GRAMD2B: variants seen among roughly 807,000 people sequenced by gnomAD.
GRAMD2B encodes the protein GRAM domain containing 2B.
Under a neutral mutation model 59.2 loss-of-function variants are expected in GRAMD2B, and 41 were observed. That is an observed-to-expected ratio of 0.69 (90% CI 0.54 to 0.90). The LOEUF is 0.90. GRAMD2B is among the 40% of genes least tolerant of loss of function. GRAMD2B has a pLI of 0.00. For synonymous variants in GRAMD2B, 161 were observed against 182.7 expected (o/e 0.88, Z 0.96); for missense variants, 424 against 500.5 (o/e 0.85, Z 1.46).
At chr5:126,380,055 C>T (rs914473790) in intron 1 of GRAMD2B, among the ~76,000 whole-genome samples, 2 of 151,914 alleles carry the variant, frequency 1.3e-5, no homozygotes, top group Non-Finnish European at 2.9e-5. Flanking sequence ...TAGAGTAAAG[C>T]CTTTGTTCCA....
At chr5:126,480,278 T>C in intron 6 of GRAMD2B, 178 bp from the exon 7 acceptor site, 1 of 563,238 alleles carries the variant, frequency 1.8e-6, no homozygotes, top group Non-Finnish European at 3.1e-6. Flanking sequence ...AATGTTTGCT[T>C]TATTACAGGA....
chr5:126,449,984 T>A (rs917210734), intron 1 of GRAMD2B, among the ~76,000 whole-genome samples: 3 of 152,124 alleles, frequency 2.0e-5, no homozygotes, highest in African/African-American at 7.2e-5. Flanking sequence ...TATTTTGGAC[T>A]CCCGTAGTAA....
chr5:126,360,986 C>T (rs1454796164), intron 1 of GRAMD2B, among the ~76,000 whole-genome samples: 1 of 152,126 alleles, frequency 6.6e-6, no homozygotes, highest in African/African-American at 2.4e-5. Context: ...TTTATGAGCT[C>T]CTTGTAAGCA....
At chr5:126,365,427 A>T (rs1240281115) in intron 1 of GRAMD2B, among the ~76,000 whole-genome samples, 2 of 152,254 alleles carry the variant, frequency 1.3e-5, no homozygotes, top group African/African-American at 4.8e-5. Context: ...AATAACCACT[A>T]TGCAATTTGA....
At chr5:126,378,871 C>T (rs2149701180) in intron 1 of GRAMD2B, among the ~76,000 whole-genome samples, 1 of 152,218 alleles carries the variant, frequency 6.6e-6, no homozygotes, top group East Asian at 1.9e-4. Context: ...TTAAAAAATA[C>T]ACACTATTCA....
intron 1 of GRAMD2B, among the ~76,000 whole-genome samples, chr5:126,394,785 G>T (rs1334947013): frequency 6.6e-6 from 1 of 152,174 alleles, no homozygotes; most frequent in Non-Finnish European, 1.5e-5. Context: ...GAAATGTTTT[G>T]TAATCTCAAG....
chr5:126,411,478 C>A (rs1223774990), intron 1 of GRAMD2B, among the ~76,000 whole-genome samples: 2 of 152,012 alleles, frequency 1.3e-5, no homozygotes, highest in African/African-American at 2.4e-5. Flanking sequence ...GTTTCTGTAC[C>A]AGTACCATGC....
Position 126,360,446 on chromosome 5 carries a change from CCGGACCTGGAACTGTAAGTGACAGGTCT to C in GRAMD2B, c.117_128+16del, listed in dbSNP as rs1435291509. 5.2e-6 allele frequency: 8 copies of C among 1,551,084 alleles called. No individual in the cohort carries two copies. The Admixed American group carries it at 7.8e-5, about 15-fold the overall frequency. On this transcript the variant is annotated splice_donor_variant and splice_donor_5th_base_variant and coding_sequence_variant and intron_variant, in exon 1 of 14. Coordinates refer to the GRAMD2B transcript ENST00000513040. LOFTEE classifies it high-confidence loss of function. ...CGGGAGAGAAGTGAAGCCAGTGGGT[CCGGACCTGGAACTGTAAGTGACAGGTCT>C]CAGACCTGGAAAAACCATTTGGGAG...
At chr5:126,481,203 A>AAAAGAAAGAAAGAAAGAAAGAAAG (rs199869481) in intron 8 of GRAMD2B, among the ~76,000 whole-genome samples, 8 of 80,112 alleles carry the variant, frequency 1.0e-4, no homozygotes, top group African/African-American at 4.9e-4. Flanking sequence ...AAAAAAAAAA[A>AAAAGAAAGAAAGAAAGAAAGAAAG]AAAGAAAGAA....
chr5:126,462,439 C>T (rs965487841), intron 1 of GRAMD2B: 20 of 985,202 alleles, frequency 2.0e-5, no homozygotes, highest in African/African-American at 8.7e-5. Flanking sequence ...ACAAGACCTC[C>T]AAGGTAAGGG....
upstream of GRAMD2B, chr5:126,423,317 C>G: frequency 7.9e-7 from 1 of 1,268,300 alleles, no homozygotes; most frequent in Non-Finnish European, 9.9e-7. Context: ...TCCTTTTTCT[C>G]TTCTCTGCCT....
chr5:126,418,366 GT>G (rs555916802), intron 1 of GRAMD2B, among the ~76,000 whole-genome samples: 2 of 152,214 alleles, frequency 1.3e-5, no homozygotes, highest in South Asian at 4.2e-4. Flanking sequence ...AACTGGAAGA[GT>G]TTTTTTTACT....
intron 1 of GRAMD2B, among the ~76,000 whole-genome samples, chr5:126,410,924 G>C (rs879542285): frequency 8.6e-5 from 13 of 151,830 alleles, no homozygotes; most frequent in Non-Finnish European, 5.9e-5. Flanking sequence ...AGAAGTATCT[G>C]GTCATGTCTT....
intron 1 of GRAMD2B, among the ~76,000 whole-genome samples, chr5:126,453,124 C>G (rs1284663917): frequency 6.6e-6 from 1 of 152,122 alleles, no homozygotes; most frequent in Non-Finnish European, 1.5e-5. Flanking sequence ...CACCTGAGGT[C>G]AGGAGTTCAA....
At chr5:126,418,872 T>A (rs1407746982), upstream of GRAMD2B, among the ~76,000 whole-genome samples, 3 of 152,234 alleles carry the variant, frequency 2.0e-5, no homozygotes, top group Non-Finnish European at 4.4e-5. Flanking sequence ...CTGGCTTTAA[T>A]TGAAAACAGG....
At chr5:126,403,573 A>G (rs1758008029) in intron 1 of GRAMD2B, among the ~76,000 whole-genome samples, 1 of 151,962 alleles carries the variant, frequency 6.6e-6, no homozygotes, top group African/African-American at 2.4e-5. Context: ...ATCCTTTACA[A>G]AGTTTAGGCT....
chr5:126,398,440 C>T (rs571903379), intron 1 of GRAMD2B, among the ~76,000 whole-genome samples: 1 of 152,092 alleles, frequency 6.6e-6, no homozygotes, highest in African/African-American at 2.4e-5. Flanking sequence ...TTTATGGTCC[C>T]TATTATTTCT....
chr5:126,484,740 T>C (rs767589153), intron 10 of GRAMD2B, among the ~76,000 whole-genome samples: 1 of 152,014 alleles, frequency 6.6e-6, no homozygotes, highest in Non-Finnish European at 1.5e-5. Context: ...CATGCCACAA[T>C]GCCTAGCTAA....
Position 126,477,785 on chromosome 5 carries a change from A to C in GRAMD2B, c.580A>C (p.Arg194=). The C allele has an allele frequency of 6.3e-7, 1 of 1,597,454 alleles. No individual in the cohort carries two copies. The highest frequency in any genetic ancestry group is 8.6e-7 in the Non-Finnish European group (1 of 1,164,898). The change falls in exon 6 of 14, where the codon AGG becomes CGG. Residue 194 remains arginine, a splice_region_variant and synonymous_variant. Coordinates refer to ENST00000285689, the MANE Select transcript of GRAMD2B (RefSeq NM_023927.4). ...CCTGATCATAGCAACAGTCACAGAC[A>C]GGGTGAGTATGCAGCCGAGCGAGGG... ...NALIIATVTD[R]YIFVSLLSRD... is the part of the protein sequence containing the mutation.
Sources: allele counts gnomAD v4.1 joint callset (sites outside exome capture counted in the v4.1 genomes callset), GRCh38; gene constraint gnomAD v4.1.1; transcripts MANE v1.5; gene names NCBI Gene and HGNC (gene_info 2026-07-23, HGNC 2026-07-21).